The following TAFA1 variants were observed in gnomAD, a reference collection of about 807,000 sequenced individuals.
TAFA1 encodes the protein chemokine-like protein TAFA-1.
A neutral mutation model predicts 18.5 loss-of-function variants in TAFA1; 4 were observed. That is an observed-to-expected ratio of 0.22 (90% CI 0.11 to 0.49). The LOEUF is 0.49. TAFA1 is among the 20% of genes least tolerant of loss of function. The pLI is 0.98. For missense variants in TAFA1, 147 were observed against 169.0 expected (o/e 0.87, Z 0.72); for synonymous variants, 56 against 55.2 (o/e 1.01, Z -0.06).
At chr3:68,131,237 C>T (rs1355453994) in intron 2 of TAFA1, among the ~76,000 whole-genome samples, 1 of 152,054 alleles carries the variant, frequency 6.6e-6, no homozygotes, top group Non-Finnish European at 1.5e-5. Context: ...ATTATAATTC[C>T]TCTCAGATCC....
At chr3:68,313,756 G>C (rs527773046) in intron 2 of TAFA1, among the ~76,000 whole-genome samples, 3 of 152,176 alleles carry the variant, frequency 2.0e-5, no homozygotes, top group Non-Finnish European at 2.9e-5. Context: ...GGATGGACTT[G>C]TGTTGTTTGC....
At chr3:68,267,930 A>G (rs1372482487) in intron 2 of TAFA1, among the ~76,000 whole-genome samples, 1 of 152,182 alleles carries the variant, frequency 6.6e-6, no homozygotes, top group Non-Finnish European at 1.5e-5. Context: ...AGATGCTACT[A>G]TAAATACAAA....
intron 3 of TAFA1, among the ~76,000 whole-genome samples, chr3:68,459,292 G>A (rs765465408): frequency 1.3e-5 from 2 of 152,142 alleles, no homozygotes; most frequent in Non-Finnish European, 2.9e-5. Context: ...TCCTTAACCT[G>A]TAGGACAATA....
At chr3:68,160,187 C>T (rs774889855) in intron 2 of TAFA1, among the ~76,000 whole-genome samples, 1 of 152,154 alleles carries the variant, frequency 6.6e-6, no homozygotes, top group Non-Finnish European at 1.5e-5. Context: ...ATAGCTAAGA[C>T]AGCTAATTGT....
chr3:68,497,076 TGTAA>T (rs2072562349), intron 3 of TAFA1, among the ~76,000 whole-genome samples: 1 of 152,140 alleles, frequency 6.6e-6, no homozygotes, highest in East Asian at 1.9e-4. Flanking sequence ...CCTTGTACAT[TGTAA>T]GTGTTTGGCA....
At chr3:68,270,161 T>C (rs2067635589) in intron 2 of TAFA1, among the ~76,000 whole-genome samples, 1 of 152,168 alleles carries the variant, frequency 6.6e-6, no homozygotes, top group Admixed American at 6.6e-5. Flanking sequence ...TCACTATCTA[T>C]ACAAGTTCCG....
intron 3 of TAFA1, among the ~76,000 whole-genome samples, chr3:68,454,642 T>G (rs1344400196): frequency 6.6e-6 from 1 of 152,186 alleles, no homozygotes; most frequent in Non-Finnish European, 1.5e-5. Flanking sequence ...TTTTTGTTAC[T>G]GTTGTTGCTG....
At chr3:68,351,889 G>A (rs2106776159) in intron 2 of TAFA1, among the ~76,000 whole-genome samples, 1 of 152,044 alleles carries the variant, frequency 6.6e-6, no homozygotes, top group Admixed American at 6.6e-5. Flanking sequence ...AGGTCAGAGA[G>A]CTATCCTACA....
intron 2 of TAFA1, among the ~76,000 whole-genome samples, chr3:68,103,361 T>A (rs1193634864): frequency 6.6e-6 from 1 of 152,258 alleles, no homozygotes; most frequent in Non-Finnish European, 1.5e-5. Flanking sequence ...AAGGTTTCCT[T>A]GTTTTTAAAC....
intron 2 of TAFA1, among the ~76,000 whole-genome samples, chr3:68,272,544 A>G (rs1464689092): frequency 1.3e-5 from 2 of 152,188 alleles, no homozygotes; most frequent in Admixed American, 6.6e-5. Context: ...AATGCAAATT[A>G]GGGAAAACAG....
intron 2 of TAFA1, among the ~76,000 whole-genome samples, chr3:68,089,880 CT>C (rs2065011968): frequency 1.3e-5 from 2 of 152,180 alleles, no homozygotes; most frequent in South Asian, 4.1e-4. Flanking sequence ...ATTACAATTT[CT>C]AGTTTAAAAA....
chr3:68,533,532 A>G (rs1307259978), intron 3 of TAFA1, among the ~76,000 whole-genome samples: 1 of 152,208 alleles, frequency 6.6e-6, no homozygotes, highest in East Asian at 1.9e-4. Context: ...CTAAATCTAC[A>G]TGTTGCATGT....
intron 2 of TAFA1, 110 bp from the exon 3 acceptor site, chr3:68,417,168 CTG>C (rs2070855087): frequency 1.3e-6 from 1 of 776,608 alleles, no homozygotes; most frequent in African/African-American, 1.7e-5. Flanking sequence ...TTCATGGAAA[CTG>C]TTTCTATAAT....
At chr3:68,151,498 G>A (rs2106922019) in intron 2 of TAFA1, among the ~76,000 whole-genome samples, 1 of 152,200 alleles carries the variant, frequency 6.6e-6, no homozygotes, top group Non-Finnish European at 1.5e-5. Flanking sequence ...TCACAGTTCT[G>A]GAGGCTGGGA....
intron 3 of TAFA1, among the ~76,000 whole-genome samples, chr3:68,447,227 G>A (rs943866024): frequency 6.6e-6 from 1 of 152,174 alleles, no homozygotes; most frequent in Non-Finnish European, 1.5e-5. Context: ...CCTAAGATTA[G>A]TGGTAAGATT....
chr3:68,132,394 G>C (rs895045016), intron 2 of TAFA1, among the ~76,000 whole-genome samples: 1 of 152,196 alleles, frequency 6.6e-6, no homozygotes, highest in Admixed American at 6.5e-5. Context: ...AGTATACCCA[G>C]TAATGGGATT....
chr3:68,093,715 A>G (rs929542845), intron 2 of TAFA1, among the ~76,000 whole-genome samples: 2 of 152,204 alleles, frequency 1.3e-5, no homozygotes, highest in East Asian at 1.9e-4. Flanking sequence ...ATGGCATCCC[A>G]TATCAATATA....
intron 2 of TAFA1, among the ~76,000 whole-genome samples, chr3:68,213,030 T>A (rs2066614563): frequency 6.6e-6 from 1 of 151,988 alleles, no homozygotes; most frequent in Admixed American, 6.6e-5. Context: ...TATTTTTTTT[T>A]TTTTAATCAT....
the TAFA1 span, among the ~76,000 whole-genome samples, chr3:67,996,670 G>A: frequency 6.6e-6 from 1 of 152,002 alleles, no homozygotes; most frequent in African/African-American, 2.4e-5. Context: ...GTGGTGGTCT[G>A]TGCCTATAAT....
Sources: allele counts gnomAD v4.1 joint callset (sites outside exome capture counted in the v4.1 genomes callset), GRCh38; gene constraint gnomAD v4.1.1; transcripts MANE v1.5; gene names NCBI Gene and HGNC (gene_info 2026-07-23, HGNC 2026-07-21).